ADRA1B: variants seen among roughly 807,000 people sequenced by gnomAD.
ADRA1B encodes the protein alpha-1B adrenergic receptor.
ADRA1B carries 17 observed loss-of-function variants against 17.9 expected under a neutral mutation model. The ratio of observed to expected loss-of-function variants is 0.95; its 90% confidence interval spans 0.65 to 1.42. The LOEUF (loss-of-function observed/expected upper bound fraction) is 1.42, where lower values mean the gene tolerates loss of function less well. Among genes scored for constraint, ADRA1B ranks in the 40% most tolerant of loss-of-function variants. The probability of loss-of-function intolerance (pLI) is 0.00; values close to 1 mark genes in which losing one functional copy is unlikely to be tolerated. For synonymous variants in ADRA1B, 366 were observed against 327.6 expected (o/e 1.12, Z -1.27); for missense variants, 681 against 722.1 (o/e 0.94, Z 0.65).
intron 1 of ADRA1B, chr5:159,951,494 AC>A (rs1253718279): frequency 8.7e-6 from 6 of 690,640 alleles, no homozygotes; most frequent in Admixed American, 1.8e-5. Context: ...CTTCACCTTC[AC>A]CACGGTGTCT....
intron 1 of ADRA1B, chr5:159,950,748 T>G (rs950678023): frequency 4.7e-6 from 3 of 638,916 alleles, no homozygotes; most frequent in African/African-American, 3.6e-5. Context: ...ATTTGGCAGG[T>G]TTTTCGAGAC....
intron 1 of ADRA1B, among the ~76,000 whole-genome samples, chr5:159,875,166 G>T (rs918253499): frequency 2.0e-5 from 3 of 152,142 alleles, no homozygotes; most frequent in Non-Finnish European, 4.4e-5. Context: ...ATTCATGGTG[G>T]AGAAAACAAC....
At chr5:159,875,329 C>A (rs1025735513) in intron 1 of ADRA1B, among the ~76,000 whole-genome samples, 1 of 150,216 alleles carries the variant, frequency 6.7e-6, no homozygotes, top group Non-Finnish European at 1.5e-5. Context: ...CTATTCCCCA[C>A]TCCCACAAAA....
chr5:159,905,684 T>C (rs1472876642), intron 1 of ADRA1B, among the ~76,000 whole-genome samples: 3 of 152,096 alleles, frequency 2.0e-5, no homozygotes, highest in African/African-American at 4.8e-5. Context: ...CCACAAACCA[T>C]AGCAAATGCT....
intron 1 of ADRA1B, chr5:159,888,488 C>T (rs181882289): frequency 1.3e-5 from 2 of 151,814 alleles, no homozygotes; most frequent in Non-Finnish European, 2.9e-5. Flanking sequence ...TTTATTCTTA[C>T]CAAATTACCA....
chr5:159,976,949 A>T (rs1755981422), downstream of ADRA1B, among the ~76,000 whole-genome samples: 1 of 152,156 alleles, frequency 6.6e-6, no homozygotes, highest in South Asian at 2.1e-4. Context: ...TAAATTGGGG[A>T]TGCAGTTAGC....
intron 1 of ADRA1B, among the ~76,000 whole-genome samples, chr5:159,935,808 C>T (rs1199655535): frequency 6.6e-6 from 1 of 152,160 alleles, no homozygotes; most frequent in Non-Finnish European, 1.5e-5. Flanking sequence ...CAGCCTCCCA[C>T]AGTGCTGGGA....
At chr5:159,939,334 C>T (rs965634803) in intron 1 of ADRA1B, among the ~76,000 whole-genome samples, 2 of 117,980 alleles carry the variant, frequency 1.7e-5, no homozygotes, top group African/African-American at 2.7e-5. Flanking sequence ...CGCGCGCGCG[C>T]GCACACAATG....
chr5:159,955,263 G>A, intron 1 of ADRA1B: 1 of 916,562 alleles, frequency 1.1e-6, no homozygotes, highest in Non-Finnish European at 1.3e-6. Flanking sequence ...GCCTCCTCAG[G>A]GAGGAATGTG....
upstream of ADRA1B, among the ~76,000 whole-genome samples, chr5:159,912,592 C>A (rs1019281223): frequency 7.9e-5 from 12 of 152,210 alleles, no homozygotes; most frequent in Non-Finnish European, 1.3e-4. Context: ...CCTTCTGCTG[C>A]CTTTTTCTTT....
At chr5:159,897,683 G>T (rs10476318) in intron 1 of ADRA1B, among the ~76,000 whole-genome samples, 1,580 of 152,238 alleles carry the variant, frequency 0.01, 30 homozygotes, top group African/African-American at 0.035. Context: ...CTTTAAAAGA[G>T]CCCAGGCCTG....
intron 1 of ADRA1B, among the ~76,000 whole-genome samples, chr5:159,926,457 C>T: frequency 1.3e-5 from 2 of 152,274 alleles, no homozygotes; most frequent in East Asian, 3.9e-4. Context: ...CCTTCGTGCC[C>T]AGGGATGTGT....
chr5:159,916,950 C>G lies in ADRA1B; in HGVS notation c.45C>G (p.Ala15=). 1 of 1,614,014 alleles carries G rather than the reference C, an allele frequency of 6.2e-7. No homozygotes were observed. The highest frequency in any genetic ancestry group is 8.5e-7 in the Non-Finnish European group (1 of 1,179,922). ...LDTGHNTSAP[A]HWGELKNANF... is the part of the protein sequence containing the mutation. ...CCGGCCACAACACATCAGCACCTGC[C>G]CACTGGGGAGAGTTGAAAAATGCCA... Residue 15 remains alanine (A), a synonymous_variant, in exon 1 of 2, where the codon GCC becomes GCG. Transcript: ENST00000306675.
At chr5:159,887,817 G>A (rs1753941784) in intron 1 of ADRA1B, among the ~76,000 whole-genome samples, 1 of 152,116 alleles carries the variant, frequency 6.6e-6, no homozygotes, top group Non-Finnish European at 1.5e-5. Flanking sequence ...GTCATCTAAT[G>A]CAGAGTTATA....
At chr5:159,875,700 C>T (rs748134205) in intron 1 of ADRA1B, among the ~76,000 whole-genome samples, 5 of 152,152 alleles carry the variant, frequency 3.3e-5, no homozygotes, top group Non-Finnish European at 2.9e-5. Flanking sequence ...CTCTCTAATT[C>T]GCCTTCCTTG....
chr5:159,949,990 G>GAA (rs2113257474), intron 1 of ADRA1B, among the ~76,000 whole-genome samples: 1 of 152,366 alleles, frequency 6.6e-6, no homozygotes, highest in Non-Finnish European at 1.5e-5. Flanking sequence ...GGCAAGCAGG[G>GAA]AAGAGAGAGT....
At chr5:159,979,877 A>T in the ADRA1B span, among the ~76,000 whole-genome samples, 1 of 151,870 alleles carries the variant, frequency 6.6e-6, no homozygotes, top group African/African-American at 2.4e-5. Context: ...AAAGAAAAAA[A>T]AAACATGTGG....
chr5:159,900,587 C>G (rs187906926), intron 1 of ADRA1B, among the ~76,000 whole-genome samples: 171 of 152,268 alleles, frequency 1.1e-3, no homozygotes, highest in Non-Finnish European at 2.1e-3. Context: ...TAGATCTGTC[C>G]AGTGTAGTGA....
chr5:159,873,589 T>C (rs1011308732), intron 1 of ADRA1B, among the ~76,000 whole-genome samples: 1 of 152,210 alleles, frequency 6.6e-6, no homozygotes, highest in Non-Finnish European at 1.5e-5. Flanking sequence ...CAAGTGCCGA[T>C]CCCTAACAAC....
Sources: gnomAD v4.1 joint callset for allele counts (sites outside exome capture counted in the v4.1 genomes callset) on GRCh38, gnomAD v4.1.1 for gene constraint, MANE v1.5 for transcripts, NCBI Gene and HGNC (gene_info 2026-07-23, HGNC 2026-07-21) for gene names.